The following IFT74 variants were observed in gnomAD, a reference collection of about 807,000 sequenced individuals.
IFT74 encodes the protein intraflagellar transport protein 74 homolog.
A neutral mutation model predicts 96.7 loss-of-function variants in IFT74; 92 were observed. The observed-to-expected ratio is 0.95, with a 90% CI of 0.80 to 1.13. The LOEUF is 1.13. IFT74 is among the 50% of genes most tolerant of loss of function. The pLI is 0.00. For synonymous variants in IFT74, 223 were observed against 213.2 expected (o/e 1.05, Z -0.40); for missense variants, 811 against 698.2 (o/e 1.16, Z -1.82).
At chr9:26,955,623 G>A (rs1022810106), upstream of IFT74, among the ~76,000 whole-genome samples, 8 of 152,052 alleles carry the variant, frequency 5.3e-5, no homozygotes, top group African/African-American at 1.9e-4. Flanking sequence ...CAAACTAAGG[G>A]AGAATTCAGC....
intron 12 of IFT74, among the ~76,000 whole-genome samples, chr9:27,022,789 C>T (rs1468176530): frequency 6.6e-6 from 1 of 151,912 alleles, no homozygotes; most frequent in African/African-American, 2.4e-5. Flanking sequence ...ACTAAAGGCA[C>T]GTGCCACCAC....
chr9:26,949,301 A>T (rs1349779213), intron 1 of IFT74, among the ~76,000 whole-genome samples: 1 of 152,236 alleles, frequency 6.6e-6, no homozygotes, highest in Non-Finnish European at 1.5e-5. Context: ...CACATGAAGA[A>T]TTTGCCTTGT....
At chr9:27,039,186 T>G (rs1819354140) in intron 13 of IFT74, among the ~76,000 whole-genome samples, 1 of 152,126 alleles carries the variant, frequency 6.6e-6, no homozygotes, top group South Asian at 2.1e-4. Context: ...AGTTTATGCT[T>G]CTTTTTTTTT....
At chr9:27,048,013 A>G (rs1051621234) in intron 15 of IFT74, 135 bp from the exon 16 acceptor site, 7 of 486,464 alleles carry the variant, frequency 1.4e-5, no homozygotes, top group African/African-American at 1.4e-4. Flanking sequence ...TATACAATAT[A>G]TAACTTGAAT....
chr9:27,001,940 CTCT>C (rs1828515899), intron 8 of IFT74, among the ~76,000 whole-genome samples: 2 of 135,400 alleles, frequency 1.5e-5, no homozygotes, highest in Admixed American at 1.5e-4. Flanking sequence ...TTCTTTTTTT[CTCT>C]TTTTTTTTTT....
At chr9:26,948,136 G>C (rs10511794) in intron 1 of IFT74, among the ~76,000 whole-genome samples, 8,744 of 152,170 alleles carry the variant, frequency 0.057, 322 homozygotes, top group Middle Eastern at 0.15. Flanking sequence ...CCCCTGGTTT[G>C]GGAGATCATT....
At chr9:27,034,622 A>G (rs767701068) in intron 13 of IFT74, among the ~76,000 whole-genome samples, 1 of 152,172 alleles carries the variant, frequency 6.6e-6, no homozygotes. Flanking sequence ...TCCACCTCTC[A>G]GGTTCAAACA....
intron 3 of IFT74, among the ~76,000 whole-genome samples, chr9:26,979,851 T>TA (rs1453772381): frequency 4.0e-5 from 6 of 151,842 alleles, no homozygotes; most frequent in African/African-American, 1.2e-4. Flanking sequence ...TAGCTGGGCT[T>TA]ACAGGCACAT....
At chr9:26,996,070 G>A (rs1010933864) in intron 8 of IFT74, among the ~76,000 whole-genome samples, 5 of 152,128 alleles carry the variant, frequency 3.3e-5, no homozygotes, top group African/African-American at 4.8e-5. Flanking sequence ...ATTTATACTC[G>A]TTAAGATTTG....
intron 2 of IFT74, among the ~76,000 whole-genome samples, chr9:26,967,241 C>T (rs1304069034): frequency 6.6e-6 from 1 of 151,774 alleles, no homozygotes; most frequent in Non-Finnish European, 1.5e-5. Flanking sequence ...CATGGAATAT[C>T]TTTCTATTTT....
intron 1 of IFT74, among the ~76,000 whole-genome samples, chr9:26,949,743 G>A (rs1825873774): frequency 6.6e-6 from 1 of 152,150 alleles, no homozygotes; most frequent in African/African-American, 2.4e-5. Context: ...TTGGTGGGCA[G>A]GAGGCTAGGA....
chr9:27,053,306 G>C (rs1254633131), intron 16 of IFT74, among the ~76,000 whole-genome samples: 1 of 151,926 alleles, frequency 6.6e-6, no homozygotes, highest in African/African-American at 2.4e-5. Flanking sequence ...AATTTCAGGG[G>C]AGGGAGGTGA....
chr9:27,001,304 T>C (rs927602003), intron 8 of IFT74, among the ~76,000 whole-genome samples: 6 of 152,198 alleles, frequency 3.9e-5, no homozygotes, highest in Non-Finnish European at 7.3e-5. Context: ...TCATCTCTTT[T>C]TTTTAAATGT....
chr9:26,954,799 C>A (rs1390308957), upstream of IFT74, among the ~76,000 whole-genome samples: 3 of 151,908 alleles, frequency 2.0e-5, no homozygotes, highest in East Asian at 3.9e-4. Context: ...TTTGACATAA[C>A]CTAATTACTA....
intron 2 of IFT74, chr9:26,976,879 T>G (rs146844368): frequency 4.6e-6 from 2 of 435,614 alleles, no homozygotes; most frequent in African/African-American, 4.1e-5. Flanking sequence ...GTAGAGAATC[T>G]TGTTGAGTAA....
chr9:26,975,708 C>G (rs977239911), intron 2 of IFT74, among the ~76,000 whole-genome samples: 2 of 152,184 alleles, frequency 1.3e-5, no homozygotes, highest in African/African-American at 4.8e-5. Flanking sequence ...TCCGTCCTTT[C>G]AGAAGCTCAC....
chr9:26,971,463 A>G (rs1211215487), intron 2 of IFT74, among the ~76,000 whole-genome samples: 3 of 152,042 alleles, frequency 2.0e-5, no homozygotes, highest in South Asian at 2.1e-4. Flanking sequence ...TTTGGATAAC[A>G]TCTCTCTTTG....
chr9:27,002,631 C>G (rs1828562266), intron 8 of IFT74, among the ~76,000 whole-genome samples: 1 of 152,162 alleles, frequency 6.6e-6, no homozygotes, highest in Non-Finnish European at 1.5e-5. Flanking sequence ...GTTCTCTATT[C>G]CATTCCATTG....
At chr9:27,000,636 A>G (rs1203279556) in intron 8 of IFT74, among the ~76,000 whole-genome samples, 1 of 152,194 alleles carries the variant, frequency 6.6e-6, no homozygotes, top group African/African-American at 2.4e-5. Context: ...TTTCTTTATA[A>G]TGGAAACATT....
Sources: allele counts gnomAD v4.1 joint callset (sites outside exome capture counted in the v4.1 genomes callset), GRCh38; gene constraint gnomAD v4.1.1; transcripts MANE v1.5; gene names NCBI Gene and HGNC (gene_info 2026-07-23, HGNC 2026-07-21).